C1GALT1: variants seen among roughly 807,000 people sequenced by gnomAD.
C1GALT1 encodes the protein glycoprotein-N-acetylgalactosamine 3-beta-galactosyltransferase 1.
C1GALT1 carries 11 observed loss-of-function variants against 31.0 expected under a neutral mutation model. The ratio of observed to expected loss-of-function variants is 0.36; its 90% CI spans 0.22 to 0.59. The LOEUF (loss-of-function observed/expected upper bound fraction) is 0.59. C1GALT1 is among the 20% of genes least tolerant of loss of function. The pLI, the probability that C1GALT1 is intolerant of heterozygous loss-of-function variation, is 0.79. For missense variants in C1GALT1, 424 were observed against 425.2 expected (o/e 1.00, Z 0.03); for synonymous variants, 175 against 143.6 (o/e 1.22, Z -1.56).
chr7:7,206,271 A>G (rs1360817612), intron 1 of C1GALT1, among the ~76,000 whole-genome samples: 4 of 152,156 alleles, frequency 2.6e-5, no homozygotes, highest in East Asian at 1.9e-4. Flanking sequence ...ATAATTGCCT[A>G]TGTATTTACT....
intron 3 of C1GALT1, among the ~76,000 whole-genome samples, chr7:7,242,388 G>A (rs936563608): frequency 6.6e-6 from 1 of 151,932 alleles, no homozygotes; most frequent in African/African-American, 2.4e-5. Flanking sequence ...CATATCCAGT[G>A]TGTGTTTCAA....
chr7:7,200,212 A>C (rs4035244), intron 1 of C1GALT1, among the ~76,000 whole-genome samples: 5 of 152,022 alleles, frequency 3.3e-5, no homozygotes, highest in African/African-American at 1.2e-4. Flanking sequence ...TGCTGCCTTC[A>C]GGAGCTCTTG....
At chr7:7,195,746 T>C (rs928053053) in intron 1 of C1GALT1, among the ~76,000 whole-genome samples, 3 of 152,216 alleles carry the variant, frequency 2.0e-5, no homozygotes, top group Admixed American at 2.0e-4. Flanking sequence ...CCTGATGACT[T>C]GTCTAGTGCC....
intron 1 of C1GALT1, chr7:7,183,613 A>G: frequency 4.1e-6 from 4 of 983,736 alleles, no homozygotes; most frequent in Non-Finnish European, 3.6e-6. Flanking sequence ...TACACTCTTA[A>G]AAGATGACCA....
At chr7:7,227,902 G>GAAAT (rs1782853515) in intron 1 of C1GALT1, among the ~76,000 whole-genome samples, 1 of 152,168 alleles carries the variant, frequency 6.6e-6, no homozygotes, top group African/African-American at 2.4e-5. Flanking sequence ...GTAACTGTAA[G>GAAAT]AAATAAATGC....
intron 1 of C1GALT1, among the ~76,000 whole-genome samples, chr7:7,190,743 A>G (rs369726497): frequency 3.3e-5 from 5 of 152,194 alleles, no homozygotes; most frequent in South Asian, 2.1e-4. Flanking sequence ...CTTTTTTATA[A>G]CTTAAAATTG....
intron 1 of C1GALT1, among the ~76,000 whole-genome samples, chr7:7,188,191 A>C (rs1433926451): frequency 6.6e-6 from 1 of 152,216 alleles, no homozygotes; most frequent in Non-Finnish European, 1.5e-5. Flanking sequence ...GGGTGAAGAT[A>C]AGGGAAGCAT....
chr7:7,214,955 A>G (rs754708630), intron 1 of C1GALT1, among the ~76,000 whole-genome samples: 21 of 152,140 alleles, frequency 1.4e-4, no homozygotes, highest in Non-Finnish European at 1.9e-4. Context: ...CAGGCTTAAG[A>G]TATTTTGTAA....
chr7:7,231,473 C>CTGTT (rs1051843388), intron 1 of C1GALT1, among the ~76,000 whole-genome samples: 1 of 152,116 alleles, frequency 6.6e-6, no homozygotes, highest in African/African-American at 2.4e-5. Context: ...TCACTTTATT[C>CTGTT]TGTTTTTTTG....
intron 1 of C1GALT1, among the ~76,000 whole-genome samples, chr7:7,217,566 C>T (rs937995913): frequency 1.3e-5 from 2 of 152,130 alleles, no homozygotes; most frequent in African/African-American, 2.4e-5. Flanking sequence ...CATTTTTATT[C>T]CTTTTTGTTT....
At chr7:7,208,086 C>A (rs1336163250) in intron 1 of C1GALT1, among the ~76,000 whole-genome samples, 1 of 152,116 alleles carries the variant, frequency 6.6e-6, no homozygotes, top group Non-Finnish European at 1.5e-5. Flanking sequence ...ATCCCTTTGT[C>A]CATCATATGC....
At chr7:7,193,279 T>G (rs200488355) in intron 1 of C1GALT1, among the ~76,000 whole-genome samples, 3 of 152,178 alleles carry the variant, frequency 2.0e-5, no homozygotes, top group Admixed American at 2.0e-4. Context: ...CTTTTATGGT[T>G]TCAGGTCTTA....
At chr7:7,208,452 A>T (rs1460512896) in intron 1 of C1GALT1, among the ~76,000 whole-genome samples, 2 of 152,126 alleles carry the variant, frequency 1.3e-5, no homozygotes, top group African/African-American at 2.4e-5. Flanking sequence ...TTCCCTGTGG[A>T]TAAAGGGGGA....
intron 1 of C1GALT1, among the ~76,000 whole-genome samples, chr7:7,204,139 T>C (rs933403860): frequency 1.3e-5 from 2 of 151,162 alleles, no homozygotes; most frequent in Non-Finnish European, 3.0e-5. Context: ...TTGGAAAAGT[T>C]TGAGAAGGCT....
At chr7:7,236,232 A>C (rs1221251957) in intron 2 of C1GALT1, among the ~76,000 whole-genome samples, 5 of 151,850 alleles carry the variant, frequency 3.3e-5, no homozygotes, top group South Asian at 4.2e-4. Context: ...TGTCTTACTC[A>C]TTTTTTTCAT....
At chr7:7,160,499 A>G in intron 2 of C1GALT1, among the ~76,000 whole-genome samples, 1 of 152,140 alleles carries the variant, frequency 6.6e-6, no homozygotes, top group East Asian at 1.9e-4. Context: ...TTCTCATGAG[A>G]AAGGAGGCTA....
Position 7,243,598 on chromosome 7 carries a change from C to G in C1GALT1, c.963C>G (p.Tyr321Ter). The change falls in exon 4 of 4, where the codon TAC becomes TAG. Residue 321 changes from tyrosine to a stop codon, truncating the protein, a stop_gained. Coordinates refer to ENST00000436587, the MANE Select transcript of C1GALT1 (RefSeq NM_020156.5). LOFTEE classifies it high-confidence loss of function. Reference sequence around the variant, plus strand: ...CTACAACCATGTATGAGTTAGAATACCTCGTTTATCATCTTCGTCCATATG... The same window carrying G: ...CTACAACCATGTATGAGTTAGAATAGCTCGTTTATCATCTTCGTCCATATG... ...VDSTTMYELE[Y>*]LVYHLRPYGY... 6.2e-7 allele frequency: 1 copy of G among 1,612,686 alleles called. No homozygotes were observed. Among genetic ancestry groups the G allele is most frequent in the Non-Finnish European group, 8.5e-7 (1 of 1,179,426 alleles).
upstream of C1GALT1, among the ~76,000 whole-genome samples, chr7:7,179,917 C>T (rs1476891870): frequency 4.0e-5 from 6 of 151,008 alleles, no homozygotes; most frequent in African/African-American, 1.5e-4. Context: ...GATATTTCTT[C>T]CATAAAGCTT....
intron 3 of C1GALT1, among the ~76,000 whole-genome samples, chr7:7,243,320 A>G (rs1451777277): frequency 1.3e-5 from 2 of 152,140 alleles, no homozygotes; most frequent in Admixed American, 6.5e-5. Context: ...GGTTTCACCA[A>G]TTTCAATTGG....
Sources: gnomAD v4.1 joint callset for allele counts (sites outside exome capture counted in the v4.1 genomes callset) on GRCh38, gnomAD v4.1.1 for gene constraint, MANE v1.5 for transcripts, NCBI Gene and HGNC (gene_info 2026-07-23, HGNC 2026-07-21) for gene names.